The following VPS4A variants were observed in gnomAD, a reference collection of about 807,000 sequenced individuals.
VPS4A encodes the protein vacuolar protein sorting 4 homolog A.
VPS4A carries 20 observed loss-of-function variants against 52.3 expected under a neutral mutation model. The ratio of observed to expected loss-of-function variants is 0.38; its 90% CI spans 0.27 to 0.56. The LOEUF is 0.56. Ranked by LOEUF, VPS4A falls within the 20% of genes least tolerant of loss-of-function variation. The probability of loss-of-function intolerance (pLI) is 0.72; values close to 1 mark genes in which losing one functional copy is unlikely to be tolerated. For synonymous variants in VPS4A, 293 were observed against 227.7 expected, an observed-to-expected ratio of 1.29 and a Z score of -2.58; for missense variants, 419 against 575.9, an observed-to-expected ratio of 0.73 and a Z score of 2.79.
rs1438218215 is a variant in VPS4A at position 69,321,260 on chromosome 16, A to G, written c.1061A>G (p.His354Arg). The G allele has an allele frequency of 1.3e-6, 2 of 1,553,238 alleles. No individual in the cohort carries two copies. The highest frequency in any genetic ancestry group is 1.2e-5 in the South Asian group (1 of 84,208). ...QPVRKVQSAT[H>R]FKKVCGPSRT... The stretch of plus-strand genomic sequence containing the variant: ...GTGAGGAAGGTGCAGTCGGCCACAC[A>G]CTTCAAAAAGGTGAGTGCCCGCGGC... Residue 354 changes from histidine (H) to arginine (R), a missense_variant, in exon 9 of 11, where the codon CAC becomes CGC. By Grantham distance (29) the His-to-Arg change is conservative. Transcript: ENST00000254950. The surrounding 1 kb of genome is among the most constrained non-coding windows in gnomAD (Gnocchi z 4.5).
rs752367615 is a variant in VPS4A, at chr16:69,324,324, G to A, written c.*15G>A. ...AAGAGAGTTAAAAGCTGCTTCACTT[G>A]GGCAATGGTGAAGGTGGGAGGTTGA... On this transcript the variant is annotated 3_prime_UTR_variant, in exon 11 of 11. Transcript: ENST00000254950. 2.5e-6 allele frequency: 4 copies of A among 1,611,736 alleles called. No homozygotes were observed. The highest frequency in any genetic ancestry group is 3.4e-6 in the Non-Finnish European group (4 of 1,178,838).
rs1370423117 is a variant in VPS4A at position 69,320,075 on chromosome 16, G to A, written c.621-66G>A. On this transcript the variant is annotated intron_variant, in intron 6 of 10. Transcript: ENST00000254950. The surrounding 1 kb of genome is among the most constrained non-coding windows in gnomAD (Gnocchi z 4.2). ...CTGTGGGAAGGGTGAGAAGAGGGAAGTGCCGGGAGCCCAGGCGGGCACGGA... is the reference window on the plus strand; with the variant it reads ...CTGTGGGAAGGGTGAGAAGAGGGAAATGCCGGGAGCCCAGGCGGGCACGGA... 7 of 1,538,234 alleles carry A rather than the reference G, an allele frequency of 4.6e-6. No homozygotes were observed. The highest frequency in any genetic ancestry group is 1.2e-5 in the South Asian group (1 of 83,524).
chr16:69,314,323 A>G (rs1459079065), intron 1 of VPS4A, among the ~76,000 whole-genome samples: 1 of 152,108 alleles, frequency 6.6e-6, no homozygotes, highest in Non-Finnish European at 1.5e-5. Flanking sequence ...GGGATGGGTC[A>G]GTGCTGCTCC....
chr16:69,317,654 G>A (rs973070958), intron 3 of VPS4A, among the ~76,000 whole-genome samples: 3 of 152,156 alleles, frequency 2.0e-5, no homozygotes, highest in Non-Finnish European at 2.9e-5. Flanking sequence ...TTAGCCGGGC[G>A]TGGTGGCGGG....
At chr16:69,317,665 C>G (rs1385702305) in intron 3 of VPS4A, among the ~76,000 whole-genome samples, 2 of 152,116 alleles carry the variant, frequency 1.3e-5, no homozygotes, top group African/African-American at 4.8e-5. Context: ...TGGTGGCGGG[C>G]ACCTGTAGTC....
rs1965556287 is a variant in VPS4A, at chr16:69,324,379, A to G, written c.*70A>G. ...GGCAAATCCAGGCACTCCCCATGTC[A>G]ACAGCCAGACAGGGCTCCAGGGCTT... On this transcript the variant is annotated 3_prime_UTR_variant, in exon 11 of 11. Coordinates refer to ENST00000254950, the MANE Select transcript of VPS4A (RefSeq NM_013245.3). 1.3e-6 allele frequency: 2 copies of G among 1,487,656 alleles called. No homozygotes were observed. The allele number at this position is 1,487,656 out of a possible 1,614,324, so 92.2% of individuals were successfully genotyped here.
rs1368819310 is a variant in VPS4A at position 69,324,638 on chromosome 16, T to TA, written c.*333dup. 2.2e-5 allele frequency: 6 copies of TA among 275,702 alleles called. No homozygotes were observed. Among genetic ancestry groups the TA allele is most frequent in the Non-Finnish European group, 3.6e-5 (5 of 138,048 alleles). 17.1% of individuals were successfully genotyped at this position (275,702 alleles called of 1,614,324 possible). ...TGGATTTTCATCTTATTTATAAAGA[T>TA]AAAATCACCTGGAAGTGTCAAGGAG... On this transcript the variant is annotated 3_prime_UTR_variant, in exon 11 of 11. Coordinates refer to ENST00000254950, the MANE Select transcript of VPS4A (RefSeq NM_013245.3).
chr16:69,319,422 G>C lies in VPS4A; in HGVS notation c.499G>C (p.Gly167Arg), dbSNP rs867659456. The C allele has an allele frequency of 6.8e-6, 11 of 1,614,006 alleles. No homozygotes were observed. The highest frequency in any genetic ancestry group is 9.3e-6 in the Non-Finnish European group (11 of 1,179,880). The change falls in exon 6 of 11, where the codon GGA becomes CGA. Residue 167 changes from glycine to arginine, a missense_variant. This residue lies in a region of VPS4A where 103 missense variants were observed against 210.3 expected (regional missense o/e 0.49). Transcript: ENST00000254950. ...CCCCTGGCGGGGGATTCTGCTGTTC[G>C]GACCCCCTGGCACAGGGAAATCCTA... is the stretch of plus-strand genomic sequence containing the variant. Reference protein sequence around the residue: ...RTPWRGILLFGPPGTGKSYLA... With the variant: ...RTPWRGILLFRPPGTGKSYLA...
At position 69,321,672 on chromosome 16, in the gene VPS4A, G is replaced by A. The variant is rs1003156030; in HGVS notation, c.1071+402G>A. 3 of 239,780 alleles carry A rather than the reference G, an allele frequency of 1.3e-5. No homozygotes were observed. Among genetic ancestry groups the A allele is most frequent in the African/African-American group, 6.8e-5 (3 of 44,372 alleles). 14.9% of individuals were successfully genotyped at this position (239,780 alleles called of 1,614,324 possible). ...TTGCTGTGGGTCCTCCTGTGTGCCC[G>A]GCCCTGTCCTAAGTGCTGGGAAGAT... On this transcript the variant is annotated intron_variant, in intron 9 of 10. Transcript: ENST00000254950. The surrounding 1 kb of genome is among the most constrained non-coding windows in gnomAD (Gnocchi z 4.5).
Position 69,320,424 on chromosome 16 carries a change from C to G in VPS4A, c.769+135C>G. The stretch of plus-strand genomic sequence containing the variant: ...TCCCCAGCTCCAGCCCCTCAGGGCA[C>G]GGGTGGACTTCAATTCCCAAGAGGT... On this transcript the variant is annotated intron_variant, in intron 7 of 10. Transcript: ENST00000254950. The surrounding 1 kb of genome is among the most constrained non-coding windows in gnomAD (Gnocchi z 4.2). 1 of 1,307,932 alleles carries G rather than the reference C, an allele frequency of 7.6e-7. No individual in the cohort carries two copies. Among genetic ancestry groups the G allele is most frequent in the Non-Finnish European group, 1.0e-6 (1 of 961,442 alleles). 81.0% of individuals were successfully genotyped at this position (1,307,932 alleles called of 1,614,324 possible).
At position 69,321,503 on chromosome 16, in the gene VPS4A, T is replaced by G. The variant is rs192394450; in HGVS notation, c.1071+233T>G. 871 of 575,798 alleles carry G rather than the reference T, an allele frequency of 1.5e-3. 6 individuals are homozygous for G. Among genetic ancestry groups the G allele is most frequent in the African/African-American group, 0.015 (791 of 53,486 alleles). 35.7% of individuals were successfully genotyped at this position (575,798 alleles called of 1,614,324 possible). On this transcript the variant is annotated intron_variant, in intron 9 of 10. Coordinates refer to ENST00000254950, the MANE Select transcript of VPS4A (RefSeq NM_013245.3). The surrounding 1 kb of genome is among the most constrained non-coding windows in gnomAD (Gnocchi z 4.5). ...GTGAAAGCAGAGGACAGGGCCACTT[T>G]ACTGTCTTAACCCTGCTGCGGCCTC...
At position 69,318,804 on chromosome 16, in the gene VPS4A, G is replaced by T; in HGVS notation, c.344-19G>T. The stretch of plus-strand genomic sequence containing the variant: ...GCCCCTTGGCCGGGCCCGGGCCCGG[G>T]CCGGCCTCCCTCTCGCAGGTGCCGT... On this transcript the variant is annotated intron_variant, in intron 4 of 10. Coordinates refer to ENST00000254950, the MANE Select transcript of VPS4A (RefSeq NM_013245.3). The T allele has an allele frequency of 1.2e-6, 2 of 1,611,922 alleles. No individual in the cohort carries two copies. Among genetic ancestry groups the T allele is most frequent in the Middle Eastern group, 1.7e-4 (1 of 6,038 alleles).
At chr16:69,315,305 T>C (rs1965422766) in intron 1 of VPS4A, among the ~76,000 whole-genome samples, 1 of 152,216 alleles carries the variant, frequency 6.6e-6, no homozygotes, top group Non-Finnish European at 1.5e-5. Context: ...CTCACAGAGC[T>C]CTTAGAAGGT....
Position 69,319,485 on chromosome 16 carries a change from A to T in VPS4A, c.562A>T (p.Thr188Ser), listed in dbSNP as rs1965483821. Residue 188 changes from threonine (T) to serine (S), a missense_variant, in exon 6 of 11, where the codon ACC becomes TCC. Transcript: ENST00000254950. ...CGTGGCAACAGAGGCCAACAACTCC[A>T]CCTTCTTCTCTGTGTCCTCCTCAGA... ...KAVATEANNSTFFSVSSSDLM... is the reference protein window; with the variant it reads ...KAVATEANNSSFFSVSSSDLM... 6.2e-7 allele frequency: 1 copy of T among 1,613,668 alleles called. No individual in the cohort carries two copies. Among genetic ancestry groups the T allele is most frequent in the African/African-American group, 1.3e-5 (1 of 74,856 alleles).
Position 69,316,313 on chromosome 16 carries a change from A to T in VPS4A, c.222A>T (p.Leu74Phe), listed in dbSNP as rs1177045672. 6.2e-7 allele frequency: 1 copy of T among 1,613,862 alleles called. No individual in the cohort carries two copies. The highest frequency in any genetic ancestry group is 8.5e-7 in the Non-Finnish European group (1 of 1,179,872). The change falls in exon 3 of 11, where the codon TTA (leucine) becomes TTT (phenylalanine). Residue 74 changes from leucine (L) to phenylalanine (F), a missense_variant. By Grantham distance (22) the Leu-to-Phe change is conservative (BLOSUM62 0). Around this residue, in one of 3 missense-constraint regions of VPS4A, gnomAD observed 131 missense variants for 165.4 expected, o/e 0.79. Transcript: ENST00000254950. ...GGGCCGAGAAGCTGAAGGATTATTT[A>T]CGAAGCAAAGAGAAACACGGCAAGA... ...LDRAEKLKDYLRSKEKHGKKP... is the reference protein window; with the variant it reads ...LDRAEKLKDYFRSKEKHGKKP...
chr16:69,314,232 GC>G (rs111797930), intron 1 of VPS4A, among the ~76,000 whole-genome samples: 2 of 152,166 alleles, frequency 1.3e-5, no homozygotes, highest in African/African-American at 4.8e-5. Flanking sequence ...GTCCCAAAGT[GC>G]TGGGATTACA....
chr16:69,323,960 A>AAAAAAAAAG (rs1567425639), intron 10 of VPS4A, among the ~76,000 whole-genome samples: 4 of 151,106 alleles, frequency 2.6e-5, no homozygotes, highest in African/African-American at 9.8e-5. Context: ...AAAAAAAAAA[A>AAAAAAAAAG]AAAAAGAAAG....
intron 3 of VPS4A, 64 bp downstream of exon 3, chr16:69,316,436 C>G: frequency 6.3e-7 from 1 of 1,585,512 alleles, no homozygotes; most frequent in Non-Finnish European, 8.6e-7. Context: ...TCATTCCTGG[C>G]GCTCATGCTG....
Position 69,320,065 on chromosome 16 carries a change from G to A in VPS4A, c.621-76G>A, listed in dbSNP as rs1567423908. The stretch of plus-strand genomic sequence containing the variant: ...CTGCGCCTCCCTGTGGGAAGGGTGA[G>A]AAGAGGGAAGTGCCGGGAGCCCAGG... On this transcript the variant is annotated intron_variant, in intron 6 of 10. Transcript: ENST00000254950. The surrounding 1 kb of genome is among the most constrained non-coding windows in gnomAD (Gnocchi z 4.2). 3 of 1,519,616 alleles carry A rather than the reference G, an allele frequency of 2.0e-6. No individual in the cohort carries two copies. Among genetic ancestry groups the A allele is most frequent in the Non-Finnish European group, 2.7e-6 (3 of 1,124,492 alleles). The allele number at this position is 1,519,616 out of a possible 1,614,324, so 94.1% of individuals were successfully genotyped here.
Sources: gnomAD v4.1 joint callset for allele counts (sites outside exome capture counted in the v4.1 genomes callset) on GRCh38, gnomAD v4.1.1 for gene constraint, gnomAD v4.1.1 regional missense constraint, Gnocchi (gnomAD v3.1) non-coding constraint, MANE v1.5 for transcripts, NCBI Gene and HGNC (gene_info 2026-07-23, HGNC 2026-07-21) for gene names.